The following NR2C1 variants were observed in gnomAD, a reference collection of about 807,000 sequenced individuals.
NR2C1 encodes nuclear receptor subfamily 2 group C member 1, also known as TR2 nuclear hormone receptor.
Under a neutral mutation model 74.8 loss-of-function variants are expected in NR2C1, and 33 were observed. That is an observed-to-expected ratio of 0.44 (90% CI 0.33 to 0.59). The LOEUF is 0.59. Ranked by LOEUF, NR2C1 falls within the 20% of genes least tolerant of loss-of-function variation. NR2C1 has a pLI of 0.02. For missense variants in NR2C1, 568 were observed against 715.6 expected, an observed-to-expected ratio of 0.79 and a Z score of 2.35; for synonymous variants, 225 against 240.6, an observed-to-expected ratio of 0.94 and a Z score of 0.60.
At chr12:95,041,578 G>A (rs1479142827) in intron 9 of NR2C1, among the ~76,000 whole-genome samples, 1 of 152,098 alleles carries the variant, frequency 6.6e-6, no homozygotes, top group Non-Finnish European at 1.5e-5. Context: ...ACTAGTAAGT[G>A]GTCAGTTTAT....
intron 8 of NR2C1, among the ~76,000 whole-genome samples, 170 bp downstream of exon 8, chr12:95,051,592 T>G (rs1327457458): frequency 6.6e-6 from 1 of 152,206 alleles, no homozygotes; most frequent in Non-Finnish European, 1.5e-5. Context: ...TCTGAAGTGT[T>G]TCTGGTCTGA....
intron 11 of NR2C1, among the ~76,000 whole-genome samples, chr12:95,029,503 TA>T (rs1293819049): frequency 6.6e-6 from 1 of 150,732 alleles, no homozygotes. Context: ...CTTGGCTTGT[TA>T]AAAAAAACAA....
intron 9 of NR2C1, among the ~76,000 whole-genome samples, chr12:95,047,474 T>A (rs952713728): frequency 6.6e-6 from 1 of 152,186 alleles, no homozygotes; most frequent in Non-Finnish European, 1.5e-5. Flanking sequence ...AATTACACTA[T>A]TTTAAGCCAC....
At chr12:95,033,281 T>C (rs1353678747) in intron 10 of NR2C1, among the ~76,000 whole-genome samples, 1 of 152,052 alleles carries the variant, frequency 6.6e-6, no homozygotes, top group Non-Finnish European at 1.5e-5. Flanking sequence ...TAAATATACA[T>C]ATATGATTAT....
At chr12:95,031,270 A>G in intron 11 of NR2C1, 79 bp downstream of exon 11, 2 of 1,198,514 alleles carry the variant, frequency 1.7e-6, no homozygotes, top group South Asian at 4.5e-5. Flanking sequence ...ATTATTAGAT[A>G]TCTAACTTTA....
chr12:95,033,940 A>G (rs966291513), intron 10 of NR2C1, among the ~76,000 whole-genome samples: 3 of 152,194 alleles, frequency 2.0e-5, no homozygotes, highest in Admixed American at 6.5e-5. Context: ...TGATGCAACT[A>G]TAAGATTTCT....
At chr12:95,044,713 T>A (rs1872088730) in intron 9 of NR2C1, among the ~76,000 whole-genome samples, 1 of 152,022 alleles carries the variant, frequency 6.6e-6, no homozygotes, top group African/African-American at 2.4e-5. Flanking sequence ...ACCTCGTCTG[T>A]ATTTAAAAAA....
intron 8 of NR2C1, among the ~76,000 whole-genome samples, chr12:95,051,184 G>A (rs1872955040): frequency 6.6e-6 from 1 of 152,108 alleles, no homozygotes; most frequent in African/African-American, 2.4e-5. Flanking sequence ...TCTAAAATCA[G>A]AAACTTTTTG....
rs370279266 is a variant in NR2C1 at position 95,062,645 on chromosome 12, C to G, written c.148G>C (p.Asp50His). The G allele has an allele frequency of 1.9e-6, 3 of 1,614,108 alleles. No individual in the cohort carries two copies. In the Admixed American group the frequency reaches 5.0e-5, roughly 27 times the overall value. Residue 50 changes from aspartate to histidine, a missense_variant, in exon 3 of 14, where the codon GAC becomes CAC. Transcript: ENST00000333003. ...QGKQFILTNH[D>H]GSTPSKVILA... ...ATGACTTTGCTTGGAGTAGAGCCGTCGTGATTTGTCAGAATGAACTGCTTG... is the reference window on the plus strand; with the variant it reads ...ATGACTTTGCTTGGAGTAGAGCCGTGGTGATTTGTCAGAATGAACTGCTTG...
chr12:95,047,041 A>C (rs184749600), intron 9 of NR2C1, among the ~76,000 whole-genome samples: 40 of 152,312 alleles, frequency 2.6e-4, no homozygotes, highest in African/African-American at 9.1e-4. Flanking sequence ...CATTTCAAGC[A>C]ATCAAAAACT....
At chr12:95,031,075 T>A (rs907603463) in intron 11 of NR2C1, among the ~76,000 whole-genome samples, 5 of 152,200 alleles carry the variant, frequency 3.3e-5, no homozygotes, top group Non-Finnish European at 7.4e-5. Flanking sequence ...TCACCCTGGA[T>A]TCTTTGATAG....
intron 9 of NR2C1, among the ~76,000 whole-genome samples, chr12:95,046,551 G>A (rs1872342233): frequency 6.6e-6 from 1 of 152,122 alleles, no homozygotes; most frequent in Non-Finnish European, 1.5e-5. Context: ...TTATGCCACT[G>A]CGCTCCAGCC....
intron 9 of NR2C1, among the ~76,000 whole-genome samples, chr12:95,048,344 G>A (rs1007974791): frequency 1.3e-5 from 2 of 152,224 alleles, no homozygotes; most frequent in Admixed American, 6.5e-5. Context: ...TTACGATATA[G>A]TAGTAGCTAG....
At chr12:95,055,489 G>A (rs1873694762) in intron 7 of NR2C1, among the ~76,000 whole-genome samples, 1 of 152,194 alleles carries the variant, frequency 6.6e-6, no homozygotes, top group Non-Finnish European at 1.5e-5. Context: ...TTTTACAGAT[G>A]AGAAAGTAAG....
chr12:95,042,971 A>G (rs1447260799), intron 9 of NR2C1, among the ~76,000 whole-genome samples: 2 of 151,664 alleles, frequency 1.3e-5, no homozygotes, highest in Non-Finnish European at 2.9e-5. Flanking sequence ...AAAACAAAAA[A>G]TTAAAAATTT....
intron 9 of NR2C1, among the ~76,000 whole-genome samples, chr12:95,048,669 G>A (rs11107876): frequency 0.075 from 10,777 of 144,522 alleles, 482 homozygotes; most frequent in East Asian, 0.15. Context: ...TTGTTGCCCA[G>A]GCTGGAGTGC....
chr12:95,036,753 C>T (rs933638903), intron 10 of NR2C1, among the ~76,000 whole-genome samples: 15 of 152,090 alleles, frequency 9.9e-5, no homozygotes, highest in African/African-American at 2.7e-4. Flanking sequence ...TCAAGTGATC[C>T]GCCTGCTTTG....
intron 13 of NR2C1, among the ~76,000 whole-genome samples, chr12:95,022,942 A>G (rs1055405840): frequency 6.6e-6 from 1 of 151,598 alleles, no homozygotes; most frequent in African/African-American, 2.4e-5. Flanking sequence ...GGCTCAAGCA[A>G]TCCTCCTGCC....
At position 95,065,390 on chromosome 12, in the gene NR2C1, G is replaced by C. The variant is rs574301554; in HGVS notation, c.54+1941C>G. On this transcript the variant is annotated intron_variant, in intron 2 of 13. Coordinates refer to ENST00000333003, the MANE Select transcript of NR2C1 (RefSeq NM_003297.4). ...TAGAGATGGGGTTTTCTGCATGTGAGTTAGAAATTCAAAGAGAAATTTTAA... is the reference window on the plus strand; with the variant it reads ...TAGAGATGGGGTTTTCTGCATGTGACTTAGAAATTCAAAGAGAAATTTTAA... Among the ~76,000 whole-genome samples, 5 of 152,124 alleles carry C rather than the reference G, an allele frequency of 3.3e-5. No homozygotes were observed. In the East Asian group the frequency reaches 9.7e-4, roughly 29 times the overall value.
Sources: allele counts gnomAD v4.1 joint callset (sites outside exome capture counted in the v4.1 genomes callset), GRCh38; gene constraint gnomAD v4.1.1; transcripts MANE v1.5; gene names NCBI Gene and HGNC (gene_info 2026-07-23, HGNC 2026-07-21).